The following GTPBP10 variants were observed in gnomAD, a reference collection of about 807,000 sequenced individuals.
GTPBP10 encodes GTP binding protein 10.
Under a neutral mutation model 44.8 loss-of-function variants are expected in GTPBP10, and 38 were observed. That is an observed-to-expected ratio of 0.85 (90% CI 0.65 to 1.11). GTPBP10 has a LOEUF of 1.11. Ranked by LOEUF, GTPBP10 falls within the 50% of genes most tolerant of loss-of-function variation. GTPBP10 has a pLI of 0.00. For missense variants in GTPBP10, 462 were observed against 453.7 expected (o/e 1.02, Z -0.17); for synonymous variants, 152 against 150.6 (o/e 1.01, Z -0.07).
At chr7:90,373,622 A>T (rs1456587396) in intron 5 of GTPBP10, among the ~76,000 whole-genome samples, 1 of 152,192 alleles carries the variant, frequency 6.6e-6, no homozygotes, top group African/African-American at 2.4e-5. Flanking sequence ...CGTAGGATTG[A>T]TGAGGCTTAA....
chr7:90,369,693 G>A (rs777887657), intron 4 of GTPBP10, among the ~76,000 whole-genome samples: 2 of 152,154 alleles, frequency 1.3e-5, no homozygotes, highest in Non-Finnish European at 2.9e-5. Context: ...TATTTAGGCA[G>A]GAGTGTACCA....
rs1337895444 is a variant in GTPBP10 at position 90,389,039 on chromosome 7, T to C, written c.*3885T>C. 1.3e-5 allele frequency: 2 copies of C among 152,218 alleles called. No individual in the cohort carries two copies. The highest frequency in any genetic ancestry group is 2.4e-5 in the African/African-American group (1 of 41,474). 9.4% of individuals were successfully genotyped at this position (152,218 alleles called of 1,614,324 possible). ...TACACAAAAGATAAAAGATATCTTA[T>C]TGCAAAAATAGGGCAACATTTTGTT... On this transcript the variant is annotated 3_prime_UTR_variant, in exon 10 of 10. Coordinates refer to ENST00000222511, the MANE Select transcript of GTPBP10 (RefSeq NM_033107.4).
chr7:90,361,489 G>T (rs1796020173), intron 4 of GTPBP10, among the ~76,000 whole-genome samples: 1 of 152,212 alleles, frequency 6.6e-6, no homozygotes, highest in Non-Finnish European at 1.5e-5. Flanking sequence ...AAGCCCACTT[G>T]ATCATGGTGG....
chr7:90,349,401 C>T (rs1444717737), intron 1 of GTPBP10, among the ~76,000 whole-genome samples: 1 of 152,112 alleles, frequency 6.6e-6, no homozygotes, highest in African/African-American at 2.4e-5. Context: ...TGATGTTGAA[C>T]TCATGGGGTT....
Position 90,363,736 on chromosome 7 carries a change from A to T in GTPBP10, c.465-8419A>T, listed in dbSNP as rs558753658. ...ATAATATCCTGCAGAGTGTTTTCTG[A>T]CTTGGTTCCATTCTCCCCATCACTT... On this transcript the variant is annotated intron_variant, in intron 4 of 9. Coordinates refer to ENST00000222511, the MANE Select transcript of GTPBP10 (RefSeq NM_033107.4). Among the ~76,000 whole-genome samples, 3 of 152,214 alleles carry T rather than the reference A, an allele frequency of 2.0e-5. No individual in the cohort carries two copies. In the East Asian group the frequency reaches 5.8e-4, roughly 29 times the overall value.
chr7:90,367,898 TG>T (rs1796169308), intron 4 of GTPBP10, among the ~76,000 whole-genome samples: 1 of 152,250 alleles, frequency 6.6e-6, no homozygotes, highest in Non-Finnish European at 1.5e-5. Flanking sequence ...CAATTTGGTA[TG>T]TTTTTGCAGT....
intron 6 of GTPBP10, 45 bp downstream of exon 6, chr7:90,374,399 C>T (rs756186140): frequency 7.7e-7 from 1 of 1,302,264 alleles, no homozygotes; most frequent in Non-Finnish European, 1.1e-6. Flanking sequence ...GTCAAAAGTA[C>T]TTGGTTTTGG....
At chr7:90,363,565 A>AC (rs1468571468) in intron 4 of GTPBP10, among the ~76,000 whole-genome samples, 1 of 152,124 alleles carries the variant, frequency 6.6e-6, no homozygotes, top group Non-Finnish European at 1.5e-5. Flanking sequence ...GCTGCCCTTA[A>AC]CATTTTTTCC....
intron 4 of GTPBP10, among the ~76,000 whole-genome samples, chr7:90,366,752 A>AT (rs1364109095): frequency 6.8e-6 from 1 of 146,472 alleles, no homozygotes; most frequent in Admixed American, 6.8e-5. Flanking sequence ...GGATTCATTG[A>AT]TTTTTTTGAA....
At position 90,388,456 on chromosome 7, in the gene GTPBP10, T is replaced by G. The variant is rs1165107015; in HGVS notation, c.*3302T>G. The G allele has an allele frequency of 9.0e-6, 1 of 111,576 alleles. No homozygotes were observed. The highest frequency in any genetic ancestry group is 1.8e-5 in the Non-Finnish European group (1 of 55,602). The allele number at this position is 111,576 out of a possible 1,614,324, so 6.9% of individuals were successfully genotyped here. A position where few individuals can be genotyped will look rare whatever the true frequency, so the allele number is the denominator to read the frequency against. ...ATAATATCAGATTTATTTACCATCA[T>G]GAAATATGTTTATACAGTATTAAGT... On this transcript the variant is annotated 3_prime_UTR_variant, in exon 10 of 10. Transcript: ENST00000222511.
chr7:90,365,356 C>T (rs892443207), intron 4 of GTPBP10, among the ~76,000 whole-genome samples: 253 of 137,948 alleles, frequency 1.8e-3, no homozygotes, highest in African/African-American at 6.5e-3. Flanking sequence ...TGGACTGAGA[C>T]TTTGGGGTTT....
In GTPBP10 at chr7:90,374,402, G is replaced by T. The variant is rs374738966; in HGVS notation, c.591+48G>T. The T allele has an allele frequency of 2.5e-6, 3 of 1,223,690 alleles. No homozygotes were observed. The East Asian group carries it at 7.0e-5, about 29-fold the overall frequency. The allele number at this position is 1,223,690 out of a possible 1,614,324, so 75.8% of individuals were successfully genotyped here. On this transcript the variant is annotated intron_variant, in intron 6 of 9. Transcript: ENST00000222511. ...ACTATATTAGAAGTCAAAAGTACTTGGTTTTGGTACGTACTTGGATATTAT... is the reference window on the plus strand; with the variant it reads ...ACTATATTAGAAGTCAAAAGTACTTTGTTTTGGTACGTACTTGGATATTAT...
intron 6 of GTPBP10, 49 bp from the exon 7 acceptor site, chr7:90,377,458 C>G (rs372799222): frequency 7.9e-7 from 1 of 1,258,350 alleles, no homozygotes; most frequent in Admixed American, 2.0e-5. Context: ...ATTGAACTTG[C>G]GGTTTTCATA....
rs778177920 is a variant in GTPBP10, at chr7:90,383,093, T to C, written c.901+14T>C. On this transcript the variant is annotated intron_variant, in intron 9 of 9. Transcript: ENST00000222511. ...AGAATCCTAAAGGTAAACCTATTTA[T>C]TCATTTAATTCTAATTTAAAGAATA... 1 of 1,512,658 alleles carries C rather than the reference T, an allele frequency of 6.6e-7. No individual in the cohort carries two copies. Among genetic ancestry groups the C allele is most frequent in the African/African-American group, 1.4e-5 (1 of 72,602 alleles). The allele number at this position is 1,512,658 out of a possible 1,614,324, so 93.7% of individuals were successfully genotyped here.
chr7:90,370,251 C>T (rs1265431817), intron 4 of GTPBP10, among the ~76,000 whole-genome samples: 1 of 152,142 alleles, frequency 6.6e-6, no homozygotes, highest in Non-Finnish European at 1.5e-5. Context: ...GATACCTGCA[C>T]ACATGTTTAT....
intron 8 of GTPBP10, among the ~76,000 whole-genome samples, chr7:90,381,224 G>A (rs1364759035): frequency 6.6e-6 from 1 of 152,026 alleles, no homozygotes; most frequent in Non-Finnish European, 1.5e-5. Flanking sequence ...TTTTTACAAT[G>A]GCTGTACTAA....
At chr7:90,369,716 C>T (rs897190660) in intron 4 of GTPBP10, among the ~76,000 whole-genome samples, 1 of 152,182 alleles carries the variant, frequency 6.6e-6, no homozygotes, top group Admixed American at 6.5e-5. Flanking sequence ...CCTCCAGGTA[C>T]AGACTGTCAC....
At chr7:90,367,032 A>G (rs1796147679) in intron 4 of GTPBP10, among the ~76,000 whole-genome samples, 1 of 152,032 alleles carries the variant, frequency 6.6e-6, no homozygotes, top group African/African-American at 2.4e-5. Context: ...TTCTGCCTTC[A>G]TTTCGTTATG....
In GTPBP10 at chr7:90,385,247, A is replaced by C; in HGVS notation, c.*93A>C. 4.5e-6 allele frequency: 4 copies of C among 883,574 alleles called. No homozygotes were observed. In the South Asian group the frequency reaches 7.5e-5, roughly 17 times the overall value. 54.7% of individuals were successfully genotyped at this position (883,574 alleles called of 1,614,324 possible). On this transcript the variant is annotated 3_prime_UTR_variant, in exon 10 of 10. Transcript: ENST00000222511. ...GACAACCTGGAGGACATGTTAAGTA[A>C]AATAAGCCAGGCTTAGAAAGACAAA...
Sources: allele counts gnomAD v4.1 joint callset (sites outside exome capture counted in the v4.1 genomes callset), GRCh38; gene constraint gnomAD v4.1.1; transcripts MANE v1.5; gene names NCBI Gene and HGNC (gene_info 2026-07-23, HGNC 2026-07-21).